EIF2B3: variants seen among roughly 807,000 people sequenced by gnomAD.
EIF2B3 encodes the protein eukaryotic translation initiation factor 2B subunit gamma.
In EIF2B3, 20 loss-of-function variants were observed where a neutral mutation model predicts 54.1. That is an observed-to-expected ratio of 0.37 (90% CI 0.26 to 0.54). The LOEUF is 0.54. Among genes scored for constraint, EIF2B3 ranks in the 20% least tolerant of loss-of-function variants. The pLI is 0.86. For synonymous variants in EIF2B3, 153 were observed against 188.1 expected, an observed-to-expected ratio of 0.81 and a Z score of 1.52; for missense variants, 448 against 547.8, an observed-to-expected ratio of 0.82 and a Z score of 1.82.
chr1:44,879,747 G>A, intron 8 of EIF2B3, 71 bp downstream of exon 8: 1 of 1,535,370 alleles, frequency 6.5e-7, no homozygotes, highest in Non-Finnish European at 9.0e-7. Context: ...TGTACCTAAT[G>A]AAGAAACAGA....
At chr1:44,878,964 T>G (rs1366747700) in intron 8 of EIF2B3, among the ~76,000 whole-genome samples, 2 of 152,204 alleles carry the variant, frequency 1.3e-5, no homozygotes, top group East Asian at 3.9e-4. Context: ...TTTTGCCATG[T>G]TGCCCAGGCT....
chr1:44,949,046 T>G (rs1461487033), intron 3 of EIF2B3, among the ~76,000 whole-genome samples: 2 of 152,124 alleles, frequency 1.3e-5, no homozygotes, highest in African/African-American at 4.8e-5. Flanking sequence ...TTTTTACATT[T>G]TTAGTACAGA....
intron 4 of EIF2B3, chr1:44,937,439 C>T (rs1178322597): frequency 1.3e-5 from 2 of 152,132 alleles, no homozygotes; most frequent in Non-Finnish European, 1.5e-5. Context: ...GAGCAGGCTG[C>T]TATATGTAGG....
intron 6 of EIF2B3, among the ~76,000 whole-genome samples, chr1:44,893,972 T>C (rs927038533): frequency 2.6e-5 from 4 of 152,208 alleles, no homozygotes; most frequent in African/African-American, 9.7e-5. Flanking sequence ...TATTGGCATA[T>C]TGCTTGAGTC....
At chr1:44,875,865 G>T (rs563896846) in intron 8 of EIF2B3, among the ~76,000 whole-genome samples, 170 bp from the exon 9 acceptor site, 24 of 152,216 alleles carry the variant, frequency 1.6e-4, no homozygotes, top group African/African-American at 5.5e-4. Flanking sequence ...CTGCCATCTC[G>T]GCTCACTGCA....
At chr1:44,908,049 A>C (rs1446928948) in intron 5 of EIF2B3, among the ~76,000 whole-genome samples, 1 of 152,186 alleles carries the variant, frequency 6.6e-6, no homozygotes, top group East Asian at 1.9e-4. Context: ...TTTGATCTGA[A>C]GAATGTGGTG....
At chr1:44,959,284 T>C in intron 3 of EIF2B3, 1 of 673,888 alleles carries the variant, frequency 1.5e-6, no homozygotes, top group Non-Finnish European at 2.8e-6. Context: ...TGTGGGTTCT[T>C]CCACAGCACC....
At chr1:44,981,866 G>A (rs1403096710) in intron 1 of EIF2B3, among the ~76,000 whole-genome samples, 2 of 149,272 alleles carry the variant, frequency 1.3e-5, no homozygotes, top group African/African-American at 5.0e-5. Flanking sequence ...GAGCCTGGGA[G>A]GCAGGTGTTG....
chr1:44,936,819 AT>A (rs552392111), intron 4 of EIF2B3, among the ~76,000 whole-genome samples: 1 of 152,232 alleles, frequency 6.6e-6, no homozygotes, highest in Non-Finnish European at 1.5e-5. Flanking sequence ...TACAATAGTA[AT>A]TACAAATTAT....
At chr1:44,862,004 A>ACATGATCT (rs1220548780) in intron 10 of EIF2B3, among the ~76,000 whole-genome samples, 1 of 152,190 alleles carries the variant, frequency 6.6e-6, no homozygotes, top group African/African-American at 2.4e-5. Flanking sequence ...CTTTACTGGG[A>ACATGATCT]GTGTATCTGT....
chr1:44,982,557 C>G (rs764725597), intron 1 of EIF2B3, among the ~76,000 whole-genome samples: 1 of 152,144 alleles, frequency 6.6e-6, no homozygotes, highest in Non-Finnish European at 1.5e-5. Flanking sequence ...GTCGGCCTCC[C>G]AAAGTGCTGG....
intron 3 of EIF2B3, chr1:44,958,689 C>T: frequency 6.3e-7 from 1 of 1,598,606 alleles, no homozygotes; most frequent in Non-Finnish European, 8.6e-7. Flanking sequence ...TAGTCGCTCA[C>T]CAGCTATCTG....
chr1:44,927,242 G>T (rs1157147580), intron 4 of EIF2B3, among the ~76,000 whole-genome samples: 3 of 152,086 alleles, frequency 2.0e-5, no homozygotes, highest in Non-Finnish European at 4.4e-5. Flanking sequence ...TACAAAGAAA[G>T]ATTTATAATT....
intron 5 of EIF2B3, among the ~76,000 whole-genome samples, chr1:44,911,611 A>G (rs11211054): frequency 0.07 from 10,671 of 152,252 alleles, 1,285 homozygotes; most frequent in African/African-American, 0.24. Flanking sequence ...GTTCCCACAG[A>G]GGTTAAAAAG....
At chr1:44,931,248 T>G (rs1162006682) in intron 4 of EIF2B3, among the ~76,000 whole-genome samples, 3 of 152,100 alleles carry the variant, frequency 2.0e-5, no homozygotes, top group Admixed American at 6.6e-5. Flanking sequence ...GAAACTGAGG[T>G]TCAGTCCAAC....
intron 5 of EIF2B3, among the ~76,000 whole-genome samples, chr1:44,897,813 T>C (rs1656027003): frequency 6.6e-6 from 1 of 150,756 alleles, no homozygotes; most frequent in Non-Finnish European, 1.5e-5. Flanking sequence ...CTCGGCTCAC[T>C]GCAAGCTCCG....
chr1:44,857,860 C>T, intron 10 of EIF2B3, 53 bp from the exon 11 acceptor site: 1 of 1,558,726 alleles, frequency 6.4e-7, no homozygotes. Context: ...TCACCATCCT[C>T]ATTACTATTG....
intron 10 of EIF2B3, among the ~76,000 whole-genome samples, chr1:44,872,718 T>A (rs968719823): frequency 6.6e-6 from 1 of 152,138 alleles, no homozygotes; most frequent in Admixed American, 6.5e-5. Flanking sequence ...CTACTCATTT[T>A]CCAAGATTCA....
chr1:44,927,469 C>G (rs1272334608), intron 4 of EIF2B3, among the ~76,000 whole-genome samples: 1 of 152,060 alleles, frequency 6.6e-6, no homozygotes, highest in Non-Finnish European at 1.5e-5. Flanking sequence ...CATGAGGGAT[C>G]CGCACCCATG....
Sources: allele counts gnomAD v4.1 joint callset (sites outside exome capture counted in the v4.1 genomes callset), GRCh38; gene constraint gnomAD v4.1.1; transcripts MANE v1.5; gene names NCBI Gene and HGNC (gene_info 2026-07-23, HGNC 2026-07-21).